GPC6: variants seen among roughly 807,000 people sequenced by gnomAD.
The protein encoded by GPC6 is glypican-6.
GPC6 carries 14 observed loss-of-function variants against 55.2 expected under a neutral mutation model. That is an observed-to-expected ratio of 0.25 (90% confidence interval 0.17 to 0.40). GPC6 has a LOEUF of 0.40. Among genes scored for constraint, GPC6 ranks in the 10% least tolerant of loss-of-function variants. The pLI, the probability that GPC6 is intolerant of heterozygous loss-of-function variation, is 1.00. For missense variants in GPC6, 641 were observed against 708.5 expected (o/e 0.90, Z 1.08); for synonymous variants, 278 against 259.6 (o/e 1.07, Z -0.68).
At chr13:94,061,640 G>A (rs754591303) in intron 4 of GPC6, among the ~76,000 whole-genome samples, 2 of 151,778 alleles carry the variant, frequency 1.3e-5, no homozygotes, top group African/African-American at 2.4e-5. Flanking sequence ...CTGTGTTACT[G>A]GGTGATTTTG....
chr13:94,365,826 A>G (rs1879264006), intron 6 of GPC6, among the ~76,000 whole-genome samples: 1 of 152,180 alleles, frequency 6.6e-6, no homozygotes, highest in Non-Finnish European at 1.5e-5. Context: ...GTTTCCTGGT[A>G]AGTTCCAAAT....
rs141199967 is a variant in GPC6 at position 93,520,892 on chromosome 13, C to T, written c.161-24371C>T. Among the ~76,000 whole-genome samples, 391 of 151,720 alleles carry T rather than the reference C, an allele frequency of 2.6e-3. 1 individual carries two copies. The highest frequency in any genetic ancestry group is 9.1e-3 in the African/African-American group (378 of 41,418). On this transcript the variant is annotated intron_variant, in intron 1 of 8. Transcript: ENST00000377047. ...TGACATGATATTGGAGTTCAGAAAC[C>T]CACCTTTTTACTTCTGTCTCGGAAC...
At chr13:93,326,690 G>A (rs1281846097) in intron 1 of GPC6, among the ~76,000 whole-genome samples, 1 of 152,124 alleles carries the variant, frequency 6.6e-6, no homozygotes, top group Non-Finnish European at 1.5e-5. Flanking sequence ...TGTCAAAGGG[G>A]AATATTGAAC....
At chr13:93,945,569 A>G (rs979883224) in intron 3 of GPC6, among the ~76,000 whole-genome samples, 1 of 152,162 alleles carries the variant, frequency 6.6e-6, no homozygotes, top group Non-Finnish European at 1.5e-5. Flanking sequence ...GTTCCTCCTG[A>G]GTTGCAAACA....
chr13:93,802,020 CT>C (rs1362977854), intron 2 of GPC6, among the ~76,000 whole-genome samples: 1 of 152,124 alleles, frequency 6.6e-6, no homozygotes, highest in Non-Finnish European at 1.5e-5. Context: ...AGGTAGTATA[CT>C]AAATTTCCCC....
chr13:93,324,538 A>ATG (rs372226917), intron 1 of GPC6, among the ~76,000 whole-genome samples: 22,913 of 134,680 alleles, frequency 0.17, 2,277 homozygotes, highest in East Asian at 0.45. Context: ...TCATGTATGT[A>ATG]TGTGTGTATA....
At chr13:94,125,908 T>C (rs991975212) in intron 4 of GPC6, among the ~76,000 whole-genome samples, 3 of 152,160 alleles carry the variant, frequency 2.0e-5, no homozygotes, top group Non-Finnish European at 1.5e-5. Flanking sequence ...TAAAAAACCA[T>C]TTCTGTGCAA....
chr13:94,031,968 A>T (rs539554928), intron 4 of GPC6, among the ~76,000 whole-genome samples: 9 of 152,168 alleles, frequency 5.9e-5, no homozygotes. Flanking sequence ...ACCTTCTAAG[A>T]TTTTATAGAC....
At chr13:93,635,698 T>C (rs1238748480) in intron 2 of GPC6, among the ~76,000 whole-genome samples, 1 of 152,232 alleles carries the variant, frequency 6.6e-6, no homozygotes, top group Non-Finnish European at 1.5e-5. Flanking sequence ...TATATTTTCC[T>C]GGCATGATGT....
intron 4 of GPC6, among the ~76,000 whole-genome samples, chr13:94,283,212 C>A (rs926218698): frequency 6.6e-6 from 1 of 152,174 alleles, no homozygotes; most frequent in Admixed American, 6.5e-5. Context: ...CTTATAAAAG[C>A]TAAGCTTTGT....
chr13:93,838,325 A>G (rs1298064200), intron 3 of GPC6, among the ~76,000 whole-genome samples: 1 of 152,190 alleles, frequency 6.6e-6, no homozygotes, highest in Non-Finnish European at 1.5e-5. Context: ...ACCTTGGGAA[A>G]CGGGAGCAGA....
chr13:94,306,210 T>C (rs1009183680), intron 6 of GPC6, 87 bp downstream of exon 6: 19 of 1,423,290 alleles, frequency 1.3e-5, no homozygotes, highest in Middle Eastern at 1.8e-4. Flanking sequence ...CTGGAAAAGT[T>C]TGTTATAAGA....
At chr13:93,495,554 C>G (rs1880229241) in intron 1 of GPC6, among the ~76,000 whole-genome samples, 1 of 133,174 alleles carries the variant, frequency 7.5e-6, no homozygotes, top group East Asian at 2.6e-4. Flanking sequence ...CAGCTTTGTT[C>G]CGTTGCTGGT....
chr13:93,556,288 T>G (rs556473874), intron 2 of GPC6, among the ~76,000 whole-genome samples: 1 of 151,780 alleles, frequency 6.6e-6, no homozygotes, highest in Non-Finnish European at 1.5e-5. Flanking sequence ...TTTTAATTTT[T>G]GGGTTACTTT....
intron 4 of GPC6, among the ~76,000 whole-genome samples, chr13:94,216,991 C>A (rs1486699025): frequency 6.6e-6 from 1 of 152,194 alleles, no homozygotes; most frequent in Non-Finnish European, 1.5e-5. Flanking sequence ...TCAGTTTTCT[C>A]ATCGACAAAA....
chr13:93,940,030 A>C (rs149314597), intron 3 of GPC6, among the ~76,000 whole-genome samples: 1 of 152,186 alleles, frequency 6.6e-6, no homozygotes, highest in Non-Finnish European at 1.5e-5. Context: ...TATGAAAAAT[A>C]GTTGAAAGAA....
chr13:94,126,632 A>G lies in GPC6; in HGVS notation c.877+98738A>G, dbSNP rs946023853. Among the ~76,000 whole-genome samples, 7 of 152,294 alleles carry G rather than the reference A, an allele frequency of 4.6e-5. No individual in the cohort carries two copies. In the South Asian group the frequency reaches 1.4e-3, roughly 32 times the overall value. ...TAATGTCATCTTCTCATCAATTAAT[A>G]GAAGGGTAAAAATAGGAGGAGAAAT... On this transcript the variant is annotated intron_variant, in intron 4 of 8. Coordinates refer to ENST00000377047, the MANE Select transcript of GPC6 (RefSeq NM_005708.5).
intron 2 of GPC6, among the ~76,000 whole-genome samples, chr13:93,613,647 A>G (rs981194040): frequency 6.6e-6 from 1 of 152,024 alleles, no homozygotes; most frequent in Non-Finnish European, 1.5e-5. Flanking sequence ...CAGTCTTTTC[A>G]TGTTCATGGC....
At chr13:93,237,648 A>G (rs1000891540) in intron 1 of GPC6, among the ~76,000 whole-genome samples, 7 of 152,194 alleles carry the variant, frequency 4.6e-5, no homozygotes, top group Non-Finnish European at 8.8e-5. Flanking sequence ...GCCTAGGCCA[A>G]TGTCCAGAAG....
Sources: allele counts gnomAD v4.1 joint callset (sites outside exome capture counted in the v4.1 genomes callset), GRCh38; gene constraint gnomAD v4.1.1; transcripts MANE v1.5; gene names NCBI Gene and HGNC (gene_info 2026-07-23, HGNC 2026-07-21).